The following MACROD2 variants were observed in gnomAD, a reference collection of about 807,000 sequenced individuals.
MACROD2 encodes the protein mono-ADP ribosylhydrolase 2, also known as ADP-ribose glycohydrolase MACROD2.
MACROD2 carries 36 observed loss-of-function variants against 70.4 expected under a neutral mutation model. The observed-to-expected ratio is 0.51, with a 90% CI of 0.39 to 0.68. MACROD2 has a LOEUF of 0.68. MACROD2 is among the 30% of genes least tolerant of loss of function. MACROD2 has a pLI of 0.00. For synonymous variants in MACROD2, 172 were observed against 178.8 expected (o/e 0.96, Z 0.30); for missense variants, 496 against 538.4 (o/e 0.92, Z 0.78).
chr20:16,024,850 C>G (rs1414517125), intron 15 of MACROD2, among the ~76,000 whole-genome samples: 1 of 152,126 alleles, frequency 6.6e-6, no homozygotes, highest in Non-Finnish European at 1.5e-5. Context: ...CTATGTAATT[C>G]TATAAAAAGA....
chr20:15,126,697 T>G (rs1372997696), intron 5 of MACROD2, among the ~76,000 whole-genome samples: 4 of 152,090 alleles, frequency 2.6e-5, no homozygotes, highest in Non-Finnish European at 1.5e-5. Context: ...AGACAAAAAC[T>G]ATGCCTGAAA....
intron 10 of MACROD2, among the ~76,000 whole-genome samples, chr20:15,917,167 T>C (rs1376989692): frequency 1.3e-5 from 2 of 152,028 alleles, no homozygotes; most frequent in Non-Finnish European, 2.9e-5. Context: ...ATGGTAAGAG[T>C]CTTCTTTCTG....
chr20:15,003,417 A>G (rs2122904984), intron 5 of MACROD2, among the ~76,000 whole-genome samples: 1 of 152,328 alleles, frequency 6.6e-6, no homozygotes, highest in Non-Finnish European at 1.5e-5. Context: ...TGTATTGTCA[A>G]GCAGCCCGGT....
intron 5 of MACROD2, among the ~76,000 whole-genome samples, chr20:14,963,860 C>T (rs1415812592): frequency 6.6e-6 from 1 of 152,114 alleles, no homozygotes; most frequent in Non-Finnish European, 1.5e-5. Context: ...TTTCTTTGGG[C>T]TTCTTACAAC....
chr20:15,633,229 T>A (rs533029021), intron 8 of MACROD2, among the ~76,000 whole-genome samples: 77 of 150,448 alleles, frequency 5.1e-4, no homozygotes, highest in East Asian at 1.4e-3. Context: ...GTTTTTTTTT[T>A]ATTTCAAAAT....
chr20:14,379,140 A>G (rs204655), intron 3 of MACROD2, among the ~76,000 whole-genome samples: 132,939 of 152,180 alleles, frequency 0.87, 58,220 homozygotes, highest in Non-Finnish European at 0.91. Flanking sequence ...AGAAGATACT[A>G]TTATTCTTAT....
At chr20:14,449,090 C>T (rs1316799035) in intron 3 of MACROD2, among the ~76,000 whole-genome samples, 1 of 151,976 alleles carries the variant, frequency 6.6e-6, no homozygotes, top group East Asian at 1.9e-4. Context: ...CTTTATTTGG[C>T]CATTAGCTTG....
chr20:15,091,132 G>A (rs1568568623), intron 5 of MACROD2, among the ~76,000 whole-genome samples: 1 of 151,906 alleles, frequency 6.6e-6, no homozygotes, highest in Non-Finnish European at 1.5e-5. Flanking sequence ...CAATTAATCT[G>A]CAGTTATCTA....
intron 3 of MACROD2, among the ~76,000 whole-genome samples, chr20:14,089,307 G>A (rs2054119336): frequency 1.3e-5 from 2 of 152,174 alleles, no homozygotes; most frequent in Admixed American, 6.5e-5. Context: ...GGTGTGGAAG[G>A]AGTGGAACAG....
At chr20:15,076,030 G>C (rs1445946911) in intron 5 of MACROD2, among the ~76,000 whole-genome samples, 1 of 152,116 alleles carries the variant, frequency 6.6e-6, no homozygotes, top group Non-Finnish European at 1.5e-5. Flanking sequence ...CATAAAAGGC[G>C]ATCAGTTATA....
At position 14,973,761 on chromosome 20, in the gene MACROD2, G is replaced by A. The variant is rs1247758508; in HGVS notation, c.419-256179G>A. Among the ~76,000 whole-genome samples the A allele has an allele frequency of 2.6e-5, 4 of 152,162 alleles. No individual in the cohort carries two copies. In the South Asian group the frequency reaches 6.2e-4, roughly 24 times the overall value. ...TGTGTCCCCTCTGTATGGAAGATAG[G>A]GCTAGGTACTCTTGGAGTAACATAT... On this transcript the variant is annotated intron_variant, in intron 5 of 17. Transcript: ENST00000684519.
At chr20:14,276,105 G>A (rs1410973706) in intron 3 of MACROD2, among the ~76,000 whole-genome samples, 2 of 152,046 alleles carry the variant, frequency 1.3e-5, no homozygotes, top group East Asian at 1.9e-4. Context: ...AATACCATTT[G>A]ACCCAGCCAT....
chr20:14,470,239 G>A (rs760397835), intron 3 of MACROD2, among the ~76,000 whole-genome samples: 8 of 152,028 alleles, frequency 5.3e-5, no homozygotes, highest in Non-Finnish European at 7.4e-5. Flanking sequence ...CCTGTTTGCC[G>A]GGGTATCACC....
intron 3 of MACROD2, among the ~76,000 whole-genome samples, chr20:14,378,940 C>G (rs1216431262): frequency 6.6e-6 from 1 of 152,190 alleles, no homozygotes; most frequent in African/African-American, 2.4e-5. Flanking sequence ...TCTCATGAAG[C>G]AGGTTGTTGT....
intron 3 of MACROD2, among the ~76,000 whole-genome samples, chr20:14,094,679 A>C (rs910726441): frequency 6.6e-6 from 1 of 151,940 alleles, no homozygotes; most frequent in Non-Finnish European, 1.5e-5. Context: ...ATTGCAGTAC[A>C]CTCCTGAATG....
chr20:15,053,161 G>T (rs183447455), intron 5 of MACROD2, among the ~76,000 whole-genome samples: 4 of 152,216 alleles, frequency 2.6e-5, no homozygotes, highest in Admixed American at 2.0e-4. Context: ...AGGTAAAGCC[G>T]CAAGTGCTGA....
At chr20:15,499,677 T>C in intron 7 of MACROD2, 97 bp from the exon 8 acceptor site, 1 of 1,052,300 alleles carries the variant, frequency 9.5e-7, no homozygotes, top group South Asian at 1.3e-5. Flanking sequence ...GAACTGAATG[T>C]TGTTTAAATG....
Position 15,150,249 on chromosome 20 carries a change from CA to C in MACROD2, c.419-79689del, listed in dbSNP as rs542638044. Among the ~76,000 whole-genome samples the C allele has an allele frequency of 2.0e-3, 305 of 151,934 alleles. 8 individuals are homozygous for C. The highest frequency in any genetic ancestry group is 6.8e-3 in the Middle Eastern group (2 of 294). ...AGCCTGATGGGTGTCAGGGTCAGTA[CA>C]AGTGAAAGCGAAGAGAGGCTGGGAC... On this transcript the variant is annotated intron_variant, in intron 5 of 17. Coordinates refer to ENST00000684519, the MANE Select transcript of MACROD2 (RefSeq NM_001351661.2).
intron 3 of MACROD2, among the ~76,000 whole-genome samples, chr20:14,265,132 C>T (rs2082133381): frequency 6.6e-6 from 1 of 152,204 alleles, no homozygotes; most frequent in African/African-American, 2.4e-5. Flanking sequence ...TTCATTCCAG[C>T]ATAACCTTAG....
Sources: allele counts gnomAD v4.1 joint callset (sites outside exome capture counted in the v4.1 genomes callset), GRCh38; gene constraint gnomAD v4.1.1; transcripts MANE v1.5; gene names NCBI Gene and HGNC (gene_info 2026-07-23, HGNC 2026-07-21).